The following MPP7 variants were observed in gnomAD, a reference collection of about 807,000 sequenced individuals.
The protein encoded by MPP7 is MAGUK p55 scaffold protein 7, also known as MAGUK p55 subfamily member 7.
In MPP7, 60 loss-of-function variants were observed where a neutral mutation model predicts 76.5. That is an observed-to-expected ratio of 0.78 (90% CI 0.64 to 0.97). MPP7 has a LOEUF of 0.97. MPP7 is among the 50% of genes least tolerant of loss of function. The pLI is 0.00. For synonymous variants in MPP7, 237 were observed against 244.5 expected, an observed-to-expected ratio of 0.97 and a Z score of 0.29; for missense variants, 641 against 694.0, an observed-to-expected ratio of 0.92 and a Z score of 0.86.
At chr10:28,218,723 T>C (rs1255566547) in intron 2 of MPP7, among the ~76,000 whole-genome samples, 1 of 151,954 alleles carries the variant, frequency 6.6e-6, no homozygotes, top group Non-Finnish European at 1.5e-5. Flanking sequence ...AAGTAAAAAA[T>C]TACTAAATAA....
chr10:28,189,477 G>A (rs1474627654), intron 3 of MPP7, among the ~76,000 whole-genome samples: 1 of 150,490 alleles, frequency 6.6e-6, no homozygotes, highest in Non-Finnish European at 1.5e-5. Context: ...GTTGAGAAGT[G>A]GGAGAAATAC....
chr10:28,167,310 C>CAAAAAG (rs1836511464), intron 3 of MPP7, among the ~76,000 whole-genome samples: 1 of 67,800 alleles, frequency 1.5e-5, no homozygotes, highest in Non-Finnish European at 3.0e-5. Context: ...GGCTCTGCCT[C>CAAAAAG]AAAAAAACAA....
intron 3 of MPP7, among the ~76,000 whole-genome samples, chr10:28,159,194 G>A (rs897200277): frequency 6.6e-6 from 1 of 152,200 alleles, no homozygotes; most frequent in African/African-American, 2.4e-5. Flanking sequence ...AGTGATTGGA[G>A]AAAATTAAAA....
intron 11 of MPP7, among the ~76,000 whole-genome samples, chr10:28,112,659 C>G (rs1365415793): frequency 6.6e-6 from 1 of 152,114 alleles, no homozygotes; most frequent in East Asian, 1.9e-4. Context: ...CAGAATTTCT[C>G]AGACTTAGCA....
intron 2 of MPP7, among the ~76,000 whole-genome samples, chr10:28,235,258 TTAA>T (rs1328274643): frequency 2.0e-5 from 3 of 152,188 alleles, no homozygotes; most frequent in Non-Finnish European, 4.4e-5. Flanking sequence ...CAGATTTTAG[TTAA>T]TAATAATCAT....
In MPP7 at chr10:28,309,746, C is replaced by T. The variant is rs547549719; in HGVS notation, c.-132+20183G>A. On this transcript the variant is annotated intron_variant, in intron 2 of 11. Transcript: ENST00000441595. ...GTGGGAGGTGTTTGGGTCGTGGGGG[C>T]GGATCCCTCGTGGCTTGGTGCCATC... Among the ~76,000 whole-genome samples, 5 of 152,196 alleles carry T rather than the reference C, an allele frequency of 3.3e-5. No homozygotes were observed. In the South Asian group the frequency reaches 6.2e-4, roughly 19 times the overall value.
chr10:28,212,169 G>T (rs1838160345), intron 2 of MPP7, among the ~76,000 whole-genome samples: 1 of 152,020 alleles, frequency 6.6e-6, no homozygotes, highest in Non-Finnish European at 1.5e-5. Context: ...GCTGAATTGA[G>T]AACAGATCGC....
intron 1 of MPP7, among the ~76,000 whole-genome samples, chr10:28,262,196 T>TATATATATACATATATATATATATATAC (rs1564741095): frequency 1.7e-4 from 4 of 23,698 alleles, no homozygotes; most frequent in African/African-American, 4.3e-4. Context: ...TATATATATA[T>TATATATATACATATATATATATATATAC]ATATATATAT....
At chr10:28,285,689 G>T (rs1234942864) in intron 1 of MPP7, among the ~76,000 whole-genome samples, 1 of 152,142 alleles carries the variant, frequency 6.6e-6, no homozygotes, top group Non-Finnish European at 1.5e-5. Context: ...CCTGACTGGG[G>T]TGAGAAGTAC....
intron 1 of MPP7, among the ~76,000 whole-genome samples, chr10:28,247,618 G>A (rs1839480050): frequency 6.6e-6 from 1 of 152,200 alleles, no homozygotes; most frequent in African/African-American, 2.4e-5. Flanking sequence ...CTGTGTATGA[G>A]CTTATACCCA....
chr10:28,319,152 T>A (rs1466985087), intron 2 of MPP7, among the ~76,000 whole-genome samples: 1 of 152,000 alleles, frequency 6.6e-6, no homozygotes, highest in African/African-American at 2.4e-5. Context: ...AGCAGGCATG[T>A]CTTACATGGC....
chr10:28,188,904 T>A (rs985718155), intron 3 of MPP7, among the ~76,000 whole-genome samples: 3 of 152,120 alleles, frequency 2.0e-5, no homozygotes, highest in East Asian at 3.9e-4. Context: ...AAAAACTTTT[T>A]CAGACAAACA....
At chr10:28,110,385 C>T (rs554169109) in intron 11 of MPP7, among the ~76,000 whole-genome samples, 30 of 152,158 alleles carry the variant, frequency 2.0e-4, no homozygotes, top group African/African-American at 5.3e-4. Context: ...CCACTACGCC[C>T]GACCTATATT....
At chr10:28,063,500 T>G (rs1432084187) in intron 13 of MPP7, among the ~76,000 whole-genome samples, 1 of 150,488 alleles carries the variant, frequency 6.6e-6, no homozygotes, top group Non-Finnish European at 1.5e-5. Context: ...GAACACGCAC[T>G]TTACCAAAGA....
At chr10:28,196,341 G>A (rs777803615) in intron 3 of MPP7, among the ~76,000 whole-genome samples, 2 of 151,956 alleles carry the variant, frequency 1.3e-5, no homozygotes, top group African/African-American at 2.4e-5. Flanking sequence ...TTAGCTGGGC[G>A]TGGGGGCAGG....
At chr10:28,077,190 A>G (rs1852535190) in intron 12 of MPP7, among the ~76,000 whole-genome samples, 1 of 152,066 alleles carries the variant, frequency 6.6e-6, no homozygotes, top group Non-Finnish European at 1.5e-5. Flanking sequence ...TTTTGACTAT[A>G]TTCGATTTTG....
intron 3 of MPP7, among the ~76,000 whole-genome samples, chr10:28,194,899 G>A (rs982275694): frequency 2.0e-5 from 3 of 152,264 alleles, no homozygotes; most frequent in African/African-American, 4.8e-5. Flanking sequence ...ACATTGGTTC[G>A]TTAATTGACA....
intron 1 of MPP7, among the ~76,000 whole-genome samples, chr10:28,276,175 C>T (rs1368794628): frequency 2.6e-5 from 4 of 151,648 alleles, no homozygotes; most frequent in East Asian, 1.9e-4. Flanking sequence ...GGATTACAGG[C>T]GCCCACCACC....
At chr10:28,333,095 C>A (rs1399643027) in intron 1 of MPP7, among the ~76,000 whole-genome samples, 1 of 152,144 alleles carries the variant, frequency 6.6e-6, no homozygotes, top group Non-Finnish European at 1.5e-5. Flanking sequence ...TAACTTTAAC[C>A]TAATGTGTTA....
Sources: allele counts gnomAD v4.1 joint callset (sites outside exome capture counted in the v4.1 genomes callset), GRCh38; gene constraint gnomAD v4.1.1; transcripts MANE v1.5; gene names NCBI Gene and HGNC (gene_info 2026-07-23, HGNC 2026-07-21).